The following BNC2 variants were observed in gnomAD, a reference collection of about 807,000 sequenced individuals.
BNC2 encodes zinc finger protein basonuclin-2.
Under a neutral mutation model 76.3 loss-of-function variants are expected in BNC2, and 20 were observed. That is an observed-to-expected ratio of 0.26 (90% CI 0.18 to 0.38). The LOEUF (loss-of-function observed/expected upper bound fraction) is 0.38. Ranked by LOEUF, BNC2 falls within the 10% of genes least tolerant of loss-of-function variation. The probability of loss-of-function intolerance (pLI) is 1.00; values close to 1 mark genes in which losing one functional copy is unlikely to be tolerated. For synonymous variants in BNC2, 582 were observed against 514.8 expected, an observed-to-expected ratio of 1.13 and a Z score of -1.77; for missense variants, 1,382 against 1,399.8, an observed-to-expected ratio of 0.99 and a Z score of 0.20.
chr9:16,518,594 G>T (rs1817512898), intron 5 of BNC2, among the ~76,000 whole-genome samples: 1 of 124,316 alleles, frequency 8.0e-6, no homozygotes. Context: ...TGTTGTTGTT[G>T]TTGTTGTTTG....
rs557983430 is a variant in BNC2 at position 16,858,167 on chromosome 9, A to G, written c.3+12479T>C. 3.3e-5 allele frequency among the ~76,000 whole-genome samples: 5 copies of G among 152,350 alleles called. No homozygotes were observed. In the East Asian group the frequency reaches 5.8e-4, roughly 18 times the overall value. ...ATGTCTAGGAAGACAAATTTTCTCA[A>G]TAATGGTTTTCTTCCCCCTTTCCTT... On this transcript the variant is annotated intron_variant, in intron 1 of 6. Coordinates refer to ENST00000380672, the MANE Select transcript of BNC2 (RefSeq NM_017637.6).
chr9:16,739,576 G>A (rs1206202581), intron 1 of BNC2, among the ~76,000 whole-genome samples: 2 of 152,234 alleles, frequency 1.3e-5, no homozygotes, highest in Non-Finnish European at 2.9e-5. Context: ...GGAAGCTGAG[G>A]CAGAGGAATC....
At chr9:16,512,567 T>C (rs1822782666) in intron 5 of BNC2, among the ~76,000 whole-genome samples, 1 of 152,184 alleles carries the variant, frequency 6.6e-6, no homozygotes, top group East Asian at 1.9e-4. Context: ...TGTTGCATGA[T>C]GACAAAGGCA....
chr9:16,574,529 G>C (rs1819427626), intron 4 of BNC2, among the ~76,000 whole-genome samples: 1 of 152,068 alleles, frequency 6.6e-6, no homozygotes, highest in Admixed American at 6.6e-5. Context: ...AACTATACTG[G>C]ATTTGCTTGG....
rs1228569705 is a variant in BNC2, at chr9:16,436,215, G to C, written c.1979C>G (p.Pro660Arg). 3.7e-6 allele frequency: 6 copies of C among 1,613,976 alleles called. No individual in the cohort carries two copies. Among genetic ancestry groups the C allele is most frequent in the Middle Eastern group, 1.6e-4 (1 of 6,084 alleles). Residue 660 changes from proline to arginine, a missense_variant, in exon 6 of 7, where the codon CCC becomes CGC. By Grantham distance (103) the Pro-to-Arg change is moderately radical. Transcript: ENST00000380672. ...ADEFDDEDDDPNDGGAVVNDM... is the reference protein window; with the variant it reads ...ADEFDDEDDDRNDGGAVVNDM... Reference sequence around the variant, plus strand: ...ATTGACCACAGCTCCACCATCATTGGGGTCATCATCTTCATCATCAAACTC... The same window carrying C: ...ATTGACCACAGCTCCACCATCATTGCGGTCATCATCTTCATCATCAAACTC...
intron 5 of BNC2, among the ~76,000 whole-genome samples, chr9:16,453,344 T>C (rs1821381739): frequency 6.6e-6 from 1 of 152,184 alleles, no homozygotes; most frequent in South Asian, 2.1e-4. Context: ...TCCACTGAGA[T>C]GCTCTTCACA....
chr9:16,802,197 C>G (rs1318609354), intron 1 of BNC2, among the ~76,000 whole-genome samples: 1 of 152,204 alleles, frequency 6.6e-6, no homozygotes, highest in Non-Finnish European at 1.5e-5. Context: ...GCGACTTCAG[C>G]AAGTGCCTGT....
At chr9:16,613,963 C>T (rs1820624312) in intron 3 of BNC2, among the ~76,000 whole-genome samples, 2 of 152,130 alleles carry the variant, frequency 1.3e-5, no homozygotes, top group South Asian at 2.1e-4. Context: ...ATGAGCAGTA[C>T]CATATGGATA....
chr9:16,806,723 A>G (rs886859715), intron 1 of BNC2, among the ~76,000 whole-genome samples: 10 of 152,364 alleles, frequency 6.6e-5, no homozygotes, highest in African/African-American at 2.4e-4. Flanking sequence ...GTTCTCAACA[A>G]GAAACTACAG....
At chr9:16,561,122 C>A (rs188113238) in intron 4 of BNC2, among the ~76,000 whole-genome samples, 1 of 152,008 alleles carries the variant, frequency 6.6e-6, no homozygotes, top group Admixed American at 6.6e-5. Context: ...ACCTGTAATC[C>A]CAGCTACTCA....
chr9:16,631,338 T>C (rs993404919), intron 3 of BNC2, among the ~76,000 whole-genome samples: 2 of 152,198 alleles, frequency 1.3e-5, no homozygotes, highest in Admixed American at 1.3e-4. Flanking sequence ...TAAGAACCCA[T>C]ACCCCCACCG....
rs911404474 is a variant in BNC2, at chr9:16,436,398, C to G, written c.1796G>C (p.Gly599Ala). The change falls in exon 6 of 7, where the codon GGT becomes GCT. Residue 599 changes from glycine to alanine, a missense_variant. This residue lies in a region of BNC2 where 798 missense variants were observed against 775.5 expected (regional missense o/e 1.03). Coordinates refer to ENST00000380672, the MANE Select transcript of BNC2 (RefSeq NM_017637.6). ...TGGCGGGGGGTGCTGCTCTATGGTA[C>G]CACTGGTTGGAATGATGGGACTGGT... Reference protein sequence around the residue: ...LPTSPIIPTSGTIEQHPPPPS... With the variant: ...LPTSPIIPTSATIEQHPPPPS... 3 of 1,613,880 alleles carry G rather than the reference C, an allele frequency of 1.9e-6. No individual in the cohort carries two copies. Among genetic ancestry groups the G allele is most frequent in the Non-Finnish European group, 1.7e-6 (2 of 1,180,014 alleles).
intron 5 of BNC2, among the ~76,000 whole-genome samples, chr9:16,524,122 G>A (rs1202561061): frequency 4.0e-5 from 6 of 148,310 alleles, no homozygotes. Context: ...AGAACACCAT[G>A]CATGGTAAAA....
intron 3 of BNC2, among the ~76,000 whole-genome samples, chr9:16,639,214 C>T (rs956039589): frequency 5.9e-5 from 9 of 152,054 alleles, no homozygotes; most frequent in African/African-American, 2.2e-4. Context: ...TTTATCAAAA[C>T]CAAATTTTAG....
In BNC2 at chr9:16,758,177, A is replaced by G. The variant is rs1275105208; in HGVS notation, c.4-19692T>C. Among the ~76,000 whole-genome samples the G allele has an allele frequency of 1.2e-4, 18 of 150,340 alleles. No individual in the cohort carries two copies. The Admixed American group carries it at 1.2e-3, about 10-fold the overall frequency. On this transcript the variant is annotated intron_variant, in intron 1 of 6. Coordinates refer to ENST00000380672, the MANE Select transcript of BNC2 (RefSeq NM_017637.6). The stretch of plus-strand genomic sequence containing the variant: ...CTCCATCTTCAAAGCCAGCAATGTT[A>G]GAGCTCTCTTACTATTCTTCCATGG...
At chr9:16,507,782 T>C (rs371196176) in intron 5 of BNC2, among the ~76,000 whole-genome samples, 12 of 152,228 alleles carry the variant, frequency 7.9e-5, no homozygotes, top group African/African-American at 2.9e-4. Context: ...AGGTCCATAA[T>C]AAACACTTAG....
intron 3 of BNC2, among the ~76,000 whole-genome samples, chr9:16,678,169 G>A (rs1179537746): frequency 2.0e-5 from 3 of 151,308 alleles, no homozygotes; most frequent in East Asian, 1.9e-4. Context: ...AGGGAGGGAC[G>A]AAGGGGTGAA....
In BNC2 at chr9:16,419,624, G is replaced by T; in HGVS notation, c.2665C>A (p.Arg889Ser). 1.4e-6 allele frequency: 2 copies of T among 1,472,138 alleles called. No individual in the cohort carries two copies. The highest frequency in any genetic ancestry group is 1.5e-5 in the African/African-American group (1 of 67,190). The allele number at this position is 1,472,138 out of a possible 1,614,324, so 91.2% of individuals were successfully genotyped here. The change falls in exon 7 of 7, where the codon CGT becomes AGT. Residue 889 changes from arginine (R) to serine (S), a missense_variant. Transcript: ENST00000380672. The part of the protein sequence containing the change: ...DRHSANINLH[R>S]KLLTKELDDM... ...TCGAGTTCTTTGGTCAACAGTTTACGATGTAGGTTTATGTTGGCACTGTGT... is the reference window on the plus strand; with the variant it reads ...TCGAGTTCTTTGGTCAACAGTTTACTATGTAGGTTTATGTTGGCACTGTGT...
At chr9:16,720,092 T>A (rs930757797) in intron 3 of BNC2, among the ~76,000 whole-genome samples, 2 of 152,208 alleles carry the variant, frequency 1.3e-5, no homozygotes, top group African/African-American at 4.8e-5. Context: ...GGGCCCCTGG[T>A]TACACGTTTT....
Sources: gnomAD v4.1 joint callset for allele counts (sites outside exome capture counted in the v4.1 genomes callset) on GRCh38, gnomAD v4.1.1 for gene constraint, gnomAD v4.1.1 regional missense constraint, MANE v1.5 for transcripts, NCBI Gene and HGNC (gene_info 2026-07-23, HGNC 2026-07-21) for gene names.